Variants in ST6GALNAC5 observed in about 807,000 individuals in gnomAD.
ST6GALNAC5 encodes the protein alpha-N-acetylgalactosaminide alpha-2,6-sialyltransferase 5.
Under a neutral mutation model 33.6 loss-of-function variants are expected in ST6GALNAC5, and 27 were observed. That is an observed-to-expected ratio of 0.80 (90% CI 0.59 to 1.11). The LOEUF is 1.11. Ranked by LOEUF, ST6GALNAC5 falls within the 50% of genes least tolerant of loss-of-function variation. The probability of loss-of-function intolerance (pLI) is 0.00; values close to 1 mark genes in which losing one functional copy is unlikely to be tolerated. For missense variants in ST6GALNAC5, 428 were observed against 454.0 expected (o/e 0.94, Z 0.52); for synonymous variants, 194 against 171.2 (o/e 1.13, Z -1.04).
chr1:77,052,880 T>C (rs954900718), intron 4 of ST6GALNAC5, among the ~76,000 whole-genome samples: 4 of 137,168 alleles, frequency 2.9e-5, no homozygotes, highest in African/African-American at 1.1e-4. Context: ...ATCATTCCAC[T>C]GCCCTCCAGC....
chr1:77,024,331 C>T (rs966638718), intron 2 of ST6GALNAC5, among the ~76,000 whole-genome samples: 3 of 152,194 alleles, frequency 2.0e-5, no homozygotes, highest in African/African-American at 7.2e-5. Context: ...ATTCCCTGTA[C>T]CTAAGGTGGT....
chr1:77,009,083 A>G (rs1448894534), intron 2 of ST6GALNAC5, among the ~76,000 whole-genome samples: 3 of 152,204 alleles, frequency 2.0e-5, no homozygotes, highest in Admixed American at 2.0e-4. Context: ...GAACCATAGA[A>G]GCAGCCCATC....
chr1:77,060,459 T>G (rs1337798040), intron 4 of ST6GALNAC5, among the ~76,000 whole-genome samples: 1 of 152,124 alleles, frequency 6.6e-6, no homozygotes, highest in African/African-American at 2.4e-5. Context: ...CTAAATGGCA[T>G]AGTGAATTTA....
chr1:76,961,632 A>T (rs1418226672), intron 2 of ST6GALNAC5, among the ~76,000 whole-genome samples: 1 of 152,128 alleles, frequency 6.6e-6, no homozygotes, highest in African/African-American at 2.4e-5. Context: ...TTTCCACCAG[A>T]GGGTGTTTGC....
chr1:76,919,105 T>C (rs946286181), intron 2 of ST6GALNAC5, among the ~76,000 whole-genome samples: 1 of 152,142 alleles, frequency 6.6e-6, no homozygotes, highest in African/African-American at 2.4e-5. Flanking sequence ...TTTTACCCCT[T>C]CAAATTCATC....
intron 2 of ST6GALNAC5, among the ~76,000 whole-genome samples, chr1:77,007,941 G>T (rs1265582009): frequency 1.3e-5 from 2 of 152,240 alleles, no homozygotes; most frequent in Non-Finnish European, 2.9e-5. Flanking sequence ...GCACTGAAGA[G>T]TCACATCCAG....
At chr1:77,050,817 C>T (rs1261424333) in intron 4 of ST6GALNAC5, among the ~76,000 whole-genome samples, 1 of 152,220 alleles carries the variant, frequency 6.6e-6, no homozygotes, top group Non-Finnish European at 1.5e-5. Context: ...CCTGGGCTTG[C>T]ACTTCTAAGG....
intron 2 of ST6GALNAC5, among the ~76,000 whole-genome samples, chr1:77,004,225 A>G (rs1287878032): frequency 1.0e-4 from 15 of 150,690 alleles, no homozygotes; most frequent in South Asian, 2.1e-4. Context: ...TTCCCTTCTC[A>G]CTTCATTTCA....
At chr1:77,050,200 G>C in intron 3 of ST6GALNAC5, 58 bp from the exon 4 acceptor site, 1 of 1,392,092 alleles carries the variant, frequency 7.2e-7, no homozygotes. Flanking sequence ...AATTAAAGAT[G>C]GTAGTGGGTA....
intron 2 of ST6GALNAC5, among the ~76,000 whole-genome samples, chr1:76,948,726 C>T (rs1044686509): frequency 6.6e-6 from 1 of 151,934 alleles, no homozygotes; most frequent in African/African-American, 2.4e-5. Context: ...ATAACTACTC[C>T]CACCATAGTG....
chr1:77,011,644 T>C lies in ST6GALNAC5; in HGVS notation c.262-32560T>C, dbSNP rs544143528. On this transcript the variant is annotated intron_variant, in intron 2 of 4. Coordinates refer to ENST00000477717, the MANE Select transcript of ST6GALNAC5 (RefSeq NM_030965.3). ...TTTGTATATAAAATAATTTTGTTTT[T>C]ATATTTTGTATATGTAGTATGTAGT... 2.0e-5 allele frequency among the ~76,000 whole-genome samples: 3 copies of C among 152,274 alleles called. No homozygotes were observed. In the East Asian group the frequency reaches 5.8e-4, roughly 29 times the overall value.
At chr1:77,008,448 C>T (rs557225820) in intron 2 of ST6GALNAC5, among the ~76,000 whole-genome samples, 2 of 152,322 alleles carry the variant, frequency 1.3e-5, no homozygotes, top group East Asian at 3.9e-4. Flanking sequence ...ATAAAACTGG[C>T]AGCACTAACA....
intron 2 of ST6GALNAC5, among the ~76,000 whole-genome samples, chr1:76,897,555 A>T (rs188089369): frequency 3.9e-5 from 6 of 152,132 alleles, no homozygotes; most frequent in African/African-American, 1.2e-4. Flanking sequence ...TTTTAATGAG[A>T]TGGTAAGGAG....
At chr1:76,895,062 G>T (rs1348554168) in intron 2 of ST6GALNAC5, among the ~76,000 whole-genome samples, 1 of 152,122 alleles carries the variant, frequency 6.6e-6, no homozygotes, top group Non-Finnish European at 1.5e-5. Flanking sequence ...CCAGGAGAAG[G>T]AATTTCACAA....
At chr1:76,910,896 A>G (rs1646905273) in intron 2 of ST6GALNAC5, among the ~76,000 whole-genome samples, 2 of 152,000 alleles carry the variant, frequency 1.3e-5, no homozygotes, top group African/African-American at 4.8e-5. Context: ...AAAAAAGAGC[A>G]TAATTCAAGT....
At chr1:76,974,972 A>G (rs961737831) in intron 2 of ST6GALNAC5, among the ~76,000 whole-genome samples, 1 of 151,174 alleles carries the variant, frequency 6.6e-6, no homozygotes, top group African/African-American at 2.4e-5. Context: ...TTTTTAGTAG[A>G]AACGGGGTTT....
Position 76,868,152 on chromosome 1 carries a change from T to C in ST6GALNAC5, c.16-345T>C, listed in dbSNP as rs1421454235. 6.6e-6 allele frequency among the ~76,000 whole-genome samples: 1 copy of C among 152,098 alleles called. No homozygotes were observed. The highest frequency in any genetic ancestry group is 1.5e-5 in the Non-Finnish European group (1 of 67,994). On this transcript the variant is annotated intron_variant, in intron 1 of 4. Coordinates refer to ENST00000477717, the MANE Select transcript of ST6GALNAC5 (RefSeq NM_030965.3). This position sits in a 1 kb window ranked among gnomAD's most constrained non-coding sequence, Gnocchi z 4.3. ...GTGAAGGACTCAAAATTCCAGCAGC[T>C]TGGCTGGGGTGGCTGCGCCAGACGG...
intron 2 of ST6GALNAC5, among the ~76,000 whole-genome samples, chr1:77,012,610 G>T (rs1650675724): frequency 6.6e-6 from 1 of 152,156 alleles, no homozygotes; most frequent in Non-Finnish European, 1.5e-5. Flanking sequence ...TCCTTCTCTT[G>T]GTGGGAGAGG....
chr1:77,058,869 A>T (rs974815511), intron 4 of ST6GALNAC5, among the ~76,000 whole-genome samples: 1 of 152,164 alleles, frequency 6.6e-6, no homozygotes, highest in Non-Finnish European at 1.5e-5. Context: ...GCTCCCTATC[A>T]AATGGGAGCT....
Sources: gnomAD v4.1 joint callset for allele counts (sites outside exome capture counted in the v4.1 genomes callset) on GRCh38, gnomAD v4.1.1 for gene constraint, Gnocchi (gnomAD v3.1) non-coding constraint, MANE v1.5 for transcripts, NCBI Gene and HGNC (gene_info 2026-07-23, HGNC 2026-07-21) for gene names.